The following ARHGAP28 variants were observed in gnomAD, a reference collection of about 807,000 sequenced individuals.
The protein encoded by ARHGAP28 is rho GTPase-activating protein 28.
ARHGAP28 carries 56 observed loss-of-function variants against 90.7 expected under a neutral mutation model. The ratio of observed to expected loss-of-function variants is 0.62; its 90% CI spans 0.50 to 0.77. The LOEUF (loss-of-function observed/expected upper bound fraction) is 0.77, where lower values mean the gene tolerates loss of function less well. ARHGAP28 is among the 30% of genes least tolerant of loss of function. The pLI is 0.00. For missense variants in ARHGAP28, 869 were observed against 900.9 expected (o/e 0.96, Z 0.45); for synonymous variants, 308 against 323.3 (o/e 0.95, Z 0.51).
At chr18:6,861,846 A>G (rs927237899) in intron 5 of ARHGAP28, among the ~76,000 whole-genome samples, 8 of 152,184 alleles carry the variant, frequency 5.3e-5, no homozygotes, top group African/African-American at 1.7e-4. Flanking sequence ...ATTGTCTACA[A>G]ATAGGCTTTT....
intron 9 of ARHGAP28, among the ~76,000 whole-genome samples, 174 bp downstream of exon 9, chr18:6,873,949 G>A (rs897564120): frequency 3.9e-5 from 6 of 152,178 alleles, no homozygotes; most frequent in Non-Finnish European, 5.9e-5. Flanking sequence ...GGCCCATGGC[G>A]CCTGGGCCAG....
chr18:6,731,615 C>CT (rs147314712), intron 1 of ARHGAP28, among the ~76,000 whole-genome samples: 2,028 of 152,296 alleles, frequency 0.013, 43 homozygotes, highest in African/African-American at 0.046. Flanking sequence ...GCCCTGCACT[C>CT]TGTCTATGGG....
intron 1 of ARHGAP28, among the ~76,000 whole-genome samples, chr18:6,771,791 A>G (rs1177988131): frequency 6.6e-6 from 1 of 152,238 alleles, no homozygotes; most frequent in Non-Finnish European, 1.5e-5. Context: ...TAAAAACCAC[A>G]AGAGAACACA....
chr18:6,867,358 A>G (rs1034226966), intron 5 of ARHGAP28, among the ~76,000 whole-genome samples: 1 of 152,236 alleles, frequency 6.6e-6, no homozygotes, highest in African/African-American at 2.4e-5. Flanking sequence ...TGAATAGCAT[A>G]TAAAAGATTC....
chr18:6,817,762 A>G (rs1217862787), intron 1 of ARHGAP28, among the ~76,000 whole-genome samples: 1 of 152,138 alleles, frequency 6.6e-6, no homozygotes, highest in Non-Finnish European at 1.5e-5. Flanking sequence ...AGAGAAAGGG[A>G]TGGCACCTAT....
In ARHGAP28 at chr18:6,912,669, A is replaced by G. The variant is rs980892852; in HGVS notation, c.*515A>G. The G allele has an allele frequency of 2.0e-5, 3 of 152,212 alleles. No individual in the cohort carries two copies. The highest frequency in any genetic ancestry group is 2.9e-5 in the Non-Finnish European group (2 of 68,046). 9.4% of individuals were successfully genotyped at this position (152,212 alleles called of 1,614,324 possible). On this transcript the variant is annotated 3_prime_UTR_variant, in exon 18 of 18. Coordinates refer to ENST00000383472, the MANE Select transcript of ARHGAP28 (RefSeq NM_001366230.1). ...ATCAGTTTCTAAAGTGAAACATGCA[A>G]TATTTATGCTCTGACTGACTCCTGA... is the stretch of plus-strand genomic sequence containing the variant.
At chr18:6,830,158 T>A (rs964138995) in intron 2 of ARHGAP28, among the ~76,000 whole-genome samples, 2 of 152,164 alleles carry the variant, frequency 1.3e-5, no homozygotes, top group African/African-American at 4.8e-5. Context: ...TTTTTTCACT[T>A]CATTTATCAT....
chr18:6,844,645 G>A (rs2056852757), intron 3 of ARHGAP28, among the ~76,000 whole-genome samples: 1 of 151,866 alleles, frequency 6.6e-6, no homozygotes, highest in Non-Finnish European at 1.5e-5. Flanking sequence ...ATGATTTTTT[G>A]TATCCCAACT....
At chr18:6,777,330 AG>A (rs1434003179) in intron 1 of ARHGAP28, among the ~76,000 whole-genome samples, 2 of 152,210 alleles carry the variant, frequency 1.3e-5, no homozygotes, top group East Asian at 3.9e-4. Flanking sequence ...TACAGTTAGG[AG>A]GGGGGTGAGC....
intron 3 of ARHGAP28, among the ~76,000 whole-genome samples, chr18:6,844,680 AAAGAGGAGGTATT>A (rs2056853080): frequency 6.6e-6 from 1 of 152,200 alleles, no homozygotes; most frequent in African/African-American, 2.4e-5. Flanking sequence ...GACTCTGGAT[AAAGAGGAGGTATT>A]ATCAATTCCC....
rs142449232 is a variant in ARHGAP28 at position 6,758,575 on chromosome 18, C to T, written c.122+28632C>T. On this transcript the variant is annotated intron_variant, in intron 1 of 17. Coordinates refer to ENST00000383472, the MANE Select transcript of ARHGAP28 (RefSeq NM_001366230.1). ...CTGACCTCGGGTGATCCGCCCACCT[C>T]GGCTTCCCAAAGTGCTGGGATTACA... Among the ~76,000 whole-genome samples the T allele has an allele frequency of 7.8e-3, 1,182 of 152,288 alleles. 11 individuals are homozygous for T. The highest frequency in any genetic ancestry group is 0.014 in the Non-Finnish European group (944 of 68,014).
intron 14 of ARHGAP28, among the ~76,000 whole-genome samples, chr18:6,891,098 A>G (rs1323639693): frequency 1.3e-5 from 2 of 152,326 alleles, no homozygotes; most frequent in East Asian, 1.9e-4. Context: ...AGTGCCAGAC[A>G]TTGCATTCAA....
chr18:6,797,913 G>A (rs2056453540), intron 1 of ARHGAP28, among the ~76,000 whole-genome samples: 1 of 152,114 alleles, frequency 6.6e-6, no homozygotes, highest in Non-Finnish European at 1.5e-5. Flanking sequence ...GCCTGCCTCG[G>A]CTTCCCAAAG....
At chr18:6,898,680 C>T (rs909845165) in intron 16 of ARHGAP28, 12 of 1,411,770 alleles carry the variant, frequency 8.5e-6, no homozygotes, top group Admixed American at 2.8e-5. Flanking sequence ...GTAGACCTTT[C>T]GTAGAAAGAA....
chr18:6,887,119 C>A, intron 11 of ARHGAP28, 38 bp from the exon 12 acceptor site: 1 of 1,563,442 alleles, frequency 6.4e-7, no homozygotes, highest in Non-Finnish European at 8.8e-7. Flanking sequence ...TGCATCAGGG[C>A]TATTTAAAAT....
chr18:6,732,052 C>CT (rs1463233529), intron 1 of ARHGAP28, among the ~76,000 whole-genome samples: 3 of 151,036 alleles, frequency 2.0e-5, no homozygotes, highest in Non-Finnish European at 4.4e-5. Flanking sequence ...GCAAACCATT[C>CT]TTTTTTATTT....
chr18:6,904,938 T>G (rs1003240696), intron 16 of ARHGAP28, among the ~76,000 whole-genome samples: 1 of 152,150 alleles, frequency 6.6e-6, no homozygotes, highest in African/African-American at 2.4e-5. Flanking sequence ...ATTAAAGTTT[T>G]TAAAACCTCT....
intron 3 of ARHGAP28, among the ~76,000 whole-genome samples, chr18:6,841,152 C>CCTCTCT (rs1567966304): frequency 8.9e-6 from 1 of 112,236 alleles, no homozygotes; most frequent in African/African-American, 3.3e-5. Context: ...CTGTCTCTCT[C>CCTCTCT]CTCTTTCTCT....
At chr18:6,822,050 A>C (rs190755950) in intron 1 of ARHGAP28, among the ~76,000 whole-genome samples, 2 of 152,304 alleles carry the variant, frequency 1.3e-5, no homozygotes, top group Non-Finnish European at 2.9e-5. Flanking sequence ...TATTGGCTTG[A>C]AAAAAAGTGT....
Sources: gnomAD v4.1 joint callset for allele counts (sites outside exome capture counted in the v4.1 genomes callset) on GRCh38, gnomAD v4.1.1 for gene constraint, MANE v1.5 for transcripts, NCBI Gene and HGNC (gene_info 2026-07-23, HGNC 2026-07-21) for gene names.